Variants in DPYD observed in about 807,000 individuals in gnomAD.
The protein encoded by DPYD is dihydropyrimidine dehydrogenase [NADP(+)].
In DPYD, 109 loss-of-function variants were observed where a neutral mutation model predicts 116.2. The observed-to-expected ratio is 0.94, with a 90% CI of 0.80 to 1.10. The LOEUF (loss-of-function observed/expected upper bound fraction) is 1.10. Ranked by LOEUF, DPYD falls within the 50% of genes least tolerant of loss-of-function variation. The pLI, the probability that DPYD is intolerant of heterozygous loss-of-function variation, is 0.00. For missense variants in DPYD, 1,302 were observed against 1,254.5 expected (o/e 1.04, Z -0.57); for synonymous variants, 440 against 432.0 (o/e 1.02, Z -0.23).
intron 7 of DPYD, among the ~76,000 whole-genome samples, chr1:97,690,407 G>A (rs765124930): frequency 1.9e-4 from 29 of 151,732 alleles, no homozygotes; most frequent in Non-Finnish European, 3.8e-4. Context: ...TAAGATAAAT[G>A]GAGAAATAAA....
chr1:97,219,532 G>C (rs1440478386), intron 19 of DPYD, among the ~76,000 whole-genome samples: 1 of 152,132 alleles, frequency 6.6e-6, no homozygotes, highest in Non-Finnish European at 1.5e-5. Context: ...AATTTGAGTT[G>C]ATAAAGGCAC....
intron 8 of DPYD, among the ~76,000 whole-genome samples, chr1:97,677,948 T>C (rs892086861): frequency 6.6e-6 from 1 of 152,170 alleles, no homozygotes; most frequent in African/African-American, 2.4e-5. Flanking sequence ...CTTCATATTC[T>C]GAGTGTGAAC....
At chr1:97,286,737 C>T (rs1665714567) in intron 18 of DPYD, among the ~76,000 whole-genome samples, 1 of 152,220 alleles carries the variant, frequency 6.6e-6, no homozygotes, top group African/African-American at 2.4e-5. Context: ...CTGCATTCTT[C>T]ACGTAGTTCT....
intron 10 of DPYD, among the ~76,000 whole-genome samples, chr1:97,574,631 C>T (rs1653141731): frequency 6.6e-6 from 1 of 152,036 alleles, no homozygotes; most frequent in South Asian, 2.1e-4. Context: ...ATCTGGATAC[C>T]TCGGTTTCTG....
At chr1:97,115,007 C>A (rs543698307) in intron 20 of DPYD, among the ~76,000 whole-genome samples, 1 of 152,142 alleles carries the variant, frequency 6.6e-6, no homozygotes, top group South Asian at 2.1e-4. Flanking sequence ...ACTTGGTAAT[C>A]CTTTTACCTC....
At chr1:97,463,373 T>A (rs1677128056) in intron 13 of DPYD, among the ~76,000 whole-genome samples, 1 of 152,202 alleles carries the variant, frequency 6.6e-6, no homozygotes, top group Non-Finnish European at 1.5e-5. Context: ...CCTTGCCTTC[T>A]GCCATGATTG....
At chr1:97,212,110 G>A (rs926071557) in intron 19 of DPYD, among the ~76,000 whole-genome samples, 1 of 138,366 alleles carries the variant, frequency 7.2e-6, no homozygotes, top group East Asian at 2.5e-4. Context: ...CTATACGTGT[G>A]CAAGGCAATG....
chr1:97,232,600 T>C (rs992152354), intron 19 of DPYD, among the ~76,000 whole-genome samples: 3 of 152,128 alleles, frequency 2.0e-5, no homozygotes, highest in Non-Finnish European at 4.4e-5. Flanking sequence ...TCTTTTTTTC[T>C]CTCTGTTTTT....
intron 7 of DPYD, among the ~76,000 whole-genome samples, chr1:97,680,788 GA>G (rs1190033146): frequency 6.6e-6 from 1 of 152,112 alleles, no homozygotes; most frequent in Admixed American, 6.6e-5. Context: ...GTGGGTGGAA[GA>G]TGAACTCTAT....
chr1:97,586,891 G>A (rs948339941), intron 10 of DPYD, among the ~76,000 whole-genome samples: 1 of 151,984 alleles, frequency 6.6e-6, no homozygotes, highest in Non-Finnish European at 1.5e-5. Flanking sequence ...AAAATTTTCA[G>A]TATAGAGCTG....
chr1:97,566,703 C>T (rs1009769092), intron 11 of DPYD, among the ~76,000 whole-genome samples: 7 of 152,042 alleles, frequency 4.6e-5, no homozygotes, highest in Non-Finnish European at 8.8e-5. Flanking sequence ...CCCCCTTCCC[C>T]TTTATTTTTG....
Position 97,664,736 on chromosome 1 carries a change from C to T in DPYD, c.850+14359G>A, listed in dbSNP as rs72975784. Among the ~76,000 whole-genome samples, 765 of 152,022 alleles carry T rather than the reference C, an allele frequency of 5.0e-3. 5 individuals are homozygous for T. Among genetic ancestry groups the T allele is most frequent in the African/African-American group, 0.017 (722 of 41,486 alleles). ...CTGATCCTACAGAAACAAGGGTCTT[C>T]GAGTGAAAATAACTTTAAGATAATG... On this transcript the variant is annotated intron_variant, in intron 8 of 22. Coordinates refer to ENST00000370192, the MANE Select transcript of DPYD (RefSeq NM_000110.4).
intron 1 of DPYD, among the ~76,000 whole-genome samples, chr1:97,907,421 AAAC>A (rs1287364132): frequency 6.6e-6 from 1 of 152,114 alleles, no homozygotes; most frequent in Non-Finnish European, 1.5e-5. Context: ...TATTTCTTCC[AAAC>A]AACAACATTA....
intron 2 of DPYD, among the ~76,000 whole-genome samples, chr1:97,858,298 C>T (rs567545512): frequency 2.0e-5 from 3 of 152,098 alleles, no homozygotes; most frequent in Admixed American, 6.5e-5. Flanking sequence ...TTGTAGGCCA[C>T]GAATTCAAGT....
intron 16 of DPYD, among the ~76,000 whole-genome samples, chr1:97,309,331 T>TTGTGTGTGTGTGTG (rs59669909): frequency 6.8e-6 from 1 of 147,558 alleles, no homozygotes; most frequent in African/African-American, 2.5e-5. Context: ...GTTGCTTGTC[T>TTGTGTGTGTGTGTG]TGTGTGTGTG....
intron 2 of DPYD, among the ~76,000 whole-genome samples, chr1:97,870,125 T>C (rs1671583929): frequency 6.6e-6 from 1 of 151,934 alleles, no homozygotes; most frequent in Non-Finnish European, 1.5e-5. Context: ...GCTGAATAGA[T>C]ATTAACATTT....
intron 8 of DPYD, among the ~76,000 whole-genome samples, chr1:97,598,246 G>T (rs1379995885): frequency 6.6e-6 from 1 of 152,076 alleles, no homozygotes; most frequent in Non-Finnish European, 1.5e-5. Flanking sequence ...GAAAGAAAAT[G>T]AAACTTGCAA....
chr1:97,358,461 C>T (rs767586604), intron 16 of DPYD, among the ~76,000 whole-genome samples: 2 of 152,178 alleles, frequency 1.3e-5, no homozygotes, highest in Non-Finnish European at 2.9e-5. Flanking sequence ...GTTCTCCCAG[C>T]ATGGTGTCTG....
intron 13 of DPYD, among the ~76,000 whole-genome samples, chr1:97,452,984 A>T (rs1040943089): frequency 3.9e-5 from 6 of 152,078 alleles, no homozygotes; most frequent in Non-Finnish European, 7.4e-5. Context: ...TTTTCCTGCT[A>T]GTCCATTTGT....
Sources: allele counts gnomAD v4.1 joint callset (sites outside exome capture counted in the v4.1 genomes callset), GRCh38; gene constraint gnomAD v4.1.1; transcripts MANE v1.5; gene names NCBI Gene and HGNC (gene_info 2026-07-23, HGNC 2026-07-21).